KIF5C: variants seen among roughly 807,000 people sequenced by gnomAD.
KIF5C encodes kinesin heavy chain isoform 5C.
Under a neutral mutation model 125.2 loss-of-function variants are expected in KIF5C, and 18 were observed. The observed-to-expected ratio is 0.14, with a 90% confidence interval of 0.10 to 0.21. The LOEUF (loss-of-function observed/expected upper bound fraction) is 0.21. Ranked by LOEUF, KIF5C falls within the 10% of genes least tolerant of loss-of-function variation. The pLI is 1.00. For missense variants in KIF5C, 780 were observed against 1,183.8 expected (o/e 0.66, Z 5.01); for synonymous variants, 405 against 434.0 (o/e 0.93, Z 0.83).
chr2:148,953,438 A>G (rs952502435), intron 10 of KIF5C, among the ~76,000 whole-genome samples: 7 of 152,182 alleles, frequency 4.6e-5, no homozygotes, highest in Non-Finnish European at 7.3e-5. Context: ...GAGCTATTCT[A>G]TGGGGCCAAT....
At chr2:148,905,768 G>T (rs1286621362) in intron 1 of KIF5C, among the ~76,000 whole-genome samples, 1 of 152,172 alleles carries the variant, frequency 6.6e-6, no homozygotes, top group East Asian at 1.9e-4. Flanking sequence ...ACATGCCCGA[G>T]ACTGGGTAAT....
At chr2:148,878,315 A>G (rs1681250947) in intron 1 of KIF5C, 2 of 152,124 alleles carry the variant, frequency 1.3e-5, no homozygotes, top group Non-Finnish European at 2.9e-5. Context: ...TTTTAACTTT[A>G]TATTACATAA....
chr2:149,008,375 C>T (rs1300558222), intron 23 of KIF5C, among the ~76,000 whole-genome samples: 1 of 152,206 alleles, frequency 6.6e-6, no homozygotes, highest in African/African-American at 2.4e-5. Flanking sequence ...ACTTTGGACA[C>T]CATCTAGCCT....
intron 14 of KIF5C, among the ~76,000 whole-genome samples, chr2:148,983,101 G>T (rs996152589): frequency 6.6e-6 from 1 of 152,100 alleles, no homozygotes; most frequent in Non-Finnish European, 1.5e-5. Context: ...TCTGAAAATT[G>T]GAAGACTTTT....
intron 18 of KIF5C, 196 bp from the exon 19 acceptor site, chr2:148,998,204 A>G: frequency 3.4e-6 from 3 of 874,112 alleles, no homozygotes; most frequent in Non-Finnish European, 5.1e-6. Flanking sequence ...ACTTGGTTTG[A>G]TAACAGATCT....
At chr2:148,905,889 A>G (rs1375437872) in intron 1 of KIF5C, among the ~76,000 whole-genome samples, 1 of 152,214 alleles carries the variant, frequency 6.6e-6, no homozygotes, top group Non-Finnish European at 1.5e-5. Context: ...GCCAAAAAAG[A>G]GAGCTTGTGC....
intron 10 of KIF5C, among the ~76,000 whole-genome samples, chr2:148,958,027 T>TGTA (rs1462406753): frequency 6.6e-6 from 1 of 152,178 alleles, no homozygotes; most frequent in Non-Finnish European, 1.5e-5. Context: ...CATTGTTAGG[T>TGTA]GTAGTAGTAG....
At chr2:148,961,305 C>T (rs771423856) in intron 10 of KIF5C, among the ~76,000 whole-genome samples, 33 of 151,576 alleles carry the variant, frequency 2.2e-4, no homozygotes, top group Non-Finnish European at 4.7e-4. Flanking sequence ...ATGGGGGGGG[C>T]GGGTGTGTGC....
intron 1 of KIF5C, among the ~76,000 whole-genome samples, chr2:148,893,643 A>T (rs1356256316): frequency 6.6e-6 from 1 of 152,138 alleles, no homozygotes; most frequent in Non-Finnish European, 1.5e-5. Flanking sequence ...GAATTATCCC[A>T]CTTGGAGTGT....
chr2:148,958,579 C>G (rs1009069558), intron 10 of KIF5C, among the ~76,000 whole-genome samples: 3 of 152,116 alleles, frequency 2.0e-5, no homozygotes, highest in African/African-American at 7.2e-5. Context: ...TTTTATATAT[C>G]TTCTCCCACC....
chr2:148,962,076 T>C lies in KIF5C; in HGVS notation c.1074T>C (p.Asn358=), dbSNP rs762274926. The change falls in exon 11 of 26, where the codon AAT becomes AAC. Residue 358 remains asparagine, a synonymous_variant. Coordinates refer to ENST00000435030, the MANE Select transcript of KIF5C (RefSeq NM_004522.3). ...KEKEKNKTLK[N]VIQHLEMELN... ...AAGAGAAAAACAAGACTTTGAAGAATGTTATCCAGCATCTGGAGATGGAGC... is the reference window on the plus strand; with the variant it reads ...AAGAGAAAAACAAGACTTTGAAGAACGTTATCCAGCATCTGGAGATGGAGC... The C allele has an allele frequency of 5.2e-5, 84 of 1,612,924 alleles. No homozygotes were observed. The highest frequency in any genetic ancestry group is 6.3e-5 in the Non-Finnish European group (74 of 1,179,446).
chr2:148,995,764 C>T (rs894340080), intron 17 of KIF5C, among the ~76,000 whole-genome samples: 47 of 152,330 alleles, frequency 3.1e-4, no homozygotes, highest in South Asian at 6.2e-4. Context: ...TTTTTCTTCA[C>T]ATGAAATACA....
intron 14 of KIF5C, among the ~76,000 whole-genome samples, chr2:148,982,673 A>G (rs1681268163): frequency 6.6e-6 from 1 of 152,238 alleles, no homozygotes; most frequent in Non-Finnish European, 1.5e-5. Context: ...CTCATTCAGA[A>G]GTCACTTAGG....
At chr2:148,910,982 AGGT>A (rs1241221973) in intron 1 of KIF5C, among the ~76,000 whole-genome samples, 1 of 152,196 alleles carries the variant, frequency 6.6e-6, no homozygotes, top group African/African-American at 2.4e-5. Context: ...TGAAAGGAAG[AGGT>A]GGAGGAGAAG....
Position 149,000,492 on chromosome 2 carries a change from C to A in KIF5C, c.2280C>A (p.Asp760Glu). 1 of 1,573,798 alleles carries A rather than the reference C, an allele frequency of 6.4e-7. No individual in the cohort carries two copies. The highest frequency in any genetic ancestry group is 1.3e-5 in the African/African-American group (1 of 74,264). Reference protein sequence around the residue: ...SSDYNKLKIEDQEREMKLEKL... With the variant: ...SSDYNKLKIEEQEREMKLEKL... ...ATTATAACAAGCTGAAAATAGAGGA[C>A]CAAGAGAGAGAAATGAAGCTGGAAA... The change falls in exon 20 of 26, where the codon GAC (aspartate) becomes GAA (glutamate). Residue 760 changes from aspartate (D) to glutamate (E), a missense_variant. Physicochemically the swap from Asp to Glu is conservative, Grantham distance 45 (BLOSUM62 2). Coordinates refer to ENST00000435030, the MANE Select transcript of KIF5C (RefSeq NM_004522.3).
intron 1 of KIF5C, among the ~76,000 whole-genome samples, chr2:148,916,689 CTT>C (rs995895008): frequency 1.3e-5 from 2 of 151,588 alleles, no homozygotes; most frequent in African/African-American, 2.4e-5. Flanking sequence ...GAGCAAAACT[CTT>C]TGTTCATTGG....
At chr2:148,938,304 G>A (rs553533347) in intron 4 of KIF5C, among the ~76,000 whole-genome samples, 34 of 152,178 alleles carry the variant, frequency 2.2e-4, no homozygotes, top group South Asian at 4.2e-4. Flanking sequence ...TTCACATACC[G>A]CAAAATTCAT....
chr2:148,904,457 T>C (rs1044618292), intron 1 of KIF5C, among the ~76,000 whole-genome samples: 30 of 152,364 alleles, frequency 2.0e-4, no homozygotes, highest in Admixed American at 1.4e-3. Flanking sequence ...AGGAGTGTCG[T>C]GCTGCGTTTG....
intron 25 of KIF5C, among the ~76,000 whole-genome samples, chr2:149,018,176 T>C (rs1014097668): frequency 6.6e-6 from 1 of 150,564 alleles, no homozygotes; most frequent in African/African-American, 2.5e-5. Context: ...GTAGCTCCAG[T>C]GACTTGGAAG....
Sources: allele counts gnomAD v4.1 joint callset (sites outside exome capture counted in the v4.1 genomes callset), GRCh38; gene constraint gnomAD v4.1.1; transcripts MANE v1.5; gene names NCBI Gene and HGNC (gene_info 2026-07-23, HGNC 2026-07-21).